The following GPR149 variants were observed in gnomAD, a reference collection of about 807,000 sequenced individuals.
The protein encoded by GPR149 is G protein-coupled receptor 149.
A neutral mutation model predicts 50.2 loss-of-function variants in GPR149; 50 were observed. That is an observed-to-expected ratio of 1.00 (90% confidence interval 0.79 to 1.26). The LOEUF is 1.26. Ranked by LOEUF, GPR149 falls within the 50% of genes most tolerant of loss-of-function variation. GPR149 has a pLI of 0.00. For synonymous variants in GPR149, 405 were observed against 358.2 expected (o/e 1.13, Z -1.48); for missense variants, 983 against 895.4 (o/e 1.10, Z -1.25).
intron 3 of GPR149, chr3:154,353,839 A>G: frequency 1.6e-6 from 1 of 635,838 alleles, no homozygotes; most frequent in South Asian, 1.7e-5. Context: ...ACAAGGTCCT[A>G]ACTTGAATAG....
intron 3 of GPR149, chr3:154,353,097 T>C: frequency 3.4e-6 from 5 of 1,458,926 alleles, no homozygotes; most frequent in Non-Finnish European, 4.8e-6. Context: ...CTGGGCATTC[T>C]GTTTTATGTG....
chr3:154,394,272 T>A (rs918188479), intron 3 of GPR149, among the ~76,000 whole-genome samples: 1 of 151,972 alleles, frequency 6.6e-6, no homozygotes, highest in Admixed American at 6.6e-5. Flanking sequence ...ATTTATATAA[T>A]CAACTAATCT....
intron 3 of GPR149, among the ~76,000 whole-genome samples, chr3:154,374,358 A>C (rs966291234): frequency 7.3e-5 from 11 of 151,470 alleles, no homozygotes; most frequent in Non-Finnish European, 4.4e-5. Context: ...TATTTTTGTA[A>C]AGATGGGGTT....
Position 154,338,238 on chromosome 3 carries a change from C to T in GPR149, c.1657G>A (p.Ala553Thr). The change falls in exon 4 of 4, where the codon GCA (alanine) becomes ACA (threonine). Residue 553 changes from alanine (A) to threonine (T), a missense_variant. Ala to Thr is a moderately conservative substitution (Grantham distance 58, BLOSUM62 0). Transcript: ENST00000389740. Reference protein sequence around the residue: ...SGYALAIPLCAFQGTVSLHAP... With the variant: ...SGYALAIPLCTFQGTVSLHAP... ...TGGAGAGACACAGTCCCCTGGAATG[C>T]ACACAAGGGAATGGCAAGGGCATAA... 1 of 1,595,532 alleles carries T rather than the reference C, an allele frequency of 6.3e-7. No homozygotes were observed.
intron 3 of GPR149, among the ~76,000 whole-genome samples, chr3:154,367,300 T>G (rs1330366427): frequency 1.3e-5 from 2 of 151,644 alleles, no homozygotes; most frequent in Non-Finnish European, 2.9e-5. Context: ...AAAATTTTGT[T>G]GTAAGCTTCC....
intron 3 of GPR149, among the ~76,000 whole-genome samples, chr3:154,405,390 C>G (rs1200536023): frequency 4.6e-5 from 7 of 151,790 alleles, no homozygotes; most frequent in Admixed American, 1.3e-4. Flanking sequence ...AGAGCGAGAC[C>G]ATCCTGGCTA....
At chr3:154,353,744 T>C (rs955188151) in intron 3 of GPR149, 2 of 887,666 alleles carry the variant, frequency 2.3e-6, no homozygotes, top group African/African-American at 3.4e-5. Flanking sequence ...CTTTGGAGTC[T>C]TTCAATCAAG....
intron 3 of GPR149, among the ~76,000 whole-genome samples, chr3:154,403,272 A>C (rs2108419309): frequency 6.6e-6 from 1 of 152,328 alleles, no homozygotes; most frequent in Non-Finnish European, 1.5e-5. Context: ...ATTGAAATTA[A>C]GAAAGAGTAA....
intron 3 of GPR149, among the ~76,000 whole-genome samples, chr3:154,385,844 G>C (rs1715033501): frequency 6.6e-6 from 1 of 151,990 alleles, no homozygotes; most frequent in African/African-American, 2.4e-5. Context: ...TGGGACTACA[G>C]GTGCCTGCCA....
chr3:154,422,101 A>G (rs565314057), intron 2 of GPR149, among the ~76,000 whole-genome samples: 163 of 151,800 alleles, frequency 1.1e-3, no homozygotes, highest in African/African-American at 3.8e-3. Context: ...TGTGAAAAGA[A>G]CTGGTAAAAA....
chr3:154,397,912 G>A (rs1021284475), intron 3 of GPR149, among the ~76,000 whole-genome samples: 5 of 151,128 alleles, frequency 3.3e-5, no homozygotes, highest in African/African-American at 1.2e-4. Flanking sequence ...GTAACTACAG[G>A]TTGGCAATGG....
intron 3 of GPR149, among the ~76,000 whole-genome samples, chr3:154,416,023 A>G (rs1377644514): frequency 6.6e-6 from 1 of 151,928 alleles, no homozygotes; most frequent in East Asian, 1.9e-4. Flanking sequence ...ACTCAGAGAC[A>G]AGTTTAGGCA....
At chr3:154,345,947 G>A (rs1713916385) in intron 3 of GPR149, among the ~76,000 whole-genome samples, 1 of 152,128 alleles carries the variant, frequency 6.6e-6, no homozygotes, top group African/African-American at 2.4e-5. Flanking sequence ...CTGGCATCAG[G>A]ACTCAGGTTT....
In GPR149 at chr3:154,429,112, C is replaced by T; in HGVS notation, c.504G>A (p.Pro168=). Residue 168 remains proline, a synonymous_variant, in exon 1 of 4, where the codon CCG becomes CCA. Transcript: ENST00000389740. ...WAASLLLSAL[P]LCGWGAFVRT... ...GCACGAAGGCGCCCCAGCCGCACAGCGGGAGCGCCGAGAGCAGCAGACTGG... is the reference window on the plus strand; with the variant it reads ...GCACGAAGGCGCCCCAGCCGCACAGTGGGAGCGCCGAGAGCAGCAGACTGG... 1 of 1,613,596 alleles carries T rather than the reference C, an allele frequency of 6.2e-7. No homozygotes were observed. The highest frequency in any genetic ancestry group is 8.5e-7 in the Non-Finnish European group (1 of 1,179,932).
At chr3:154,414,054 T>G (rs1034936026) in intron 3 of GPR149, among the ~76,000 whole-genome samples, 5 of 151,634 alleles carry the variant, frequency 3.3e-5, no homozygotes, top group Admixed American at 3.3e-4. Flanking sequence ...GTGAAGCAAC[T>G]CAGGAATGAA....
At chr3:154,346,584 GTTTTTCTTTTCTTTTC>G (rs1713931247) in intron 3 of GPR149, among the ~76,000 whole-genome samples, 1 of 150,906 alleles carries the variant, frequency 6.6e-6, no homozygotes, top group Admixed American at 6.6e-5. Flanking sequence ...ACAAATTAAG[GTTTTTCTTTTCTTTTC>G]TTTTTCTTTT....
At chr3:154,385,726 G>A (rs948680357) in intron 3 of GPR149, among the ~76,000 whole-genome samples, 13 of 136,644 alleles carry the variant, frequency 9.5e-5, no homozygotes, top group African/African-American at 3.5e-4. Context: ...TTTTTATAAG[G>A]AGTCTTGCTC....
At position 154,429,695 on chromosome 3, in the gene GPR149, G is replaced by C. The variant is rs1355455725; in HGVS notation, c.-80C>G. On this transcript the variant is annotated 5_prime_UTR_variant, in exon 1 of 4. It adds an upstream start codon to the 5' untranslated region. Transcript: ENST00000389740. ...AAGAAAGACCGGCTGCTGCAAATCAGATTTCATTCCTCCTACCAAGTTCCC... is the reference window on the plus strand; with the variant it reads ...AAGAAAGACCGGCTGCTGCAAATCACATTTCATTCCTCCTACCAAGTTCCC... 2 of 1,285,434 alleles carry C rather than the reference G, an allele frequency of 1.6e-6. No individual in the cohort carries two copies. Among genetic ancestry groups the C allele is most frequent in the Non-Finnish European group, 2.2e-6 (2 of 916,058 alleles). 79.6% of individuals were successfully genotyped at this position (1,285,434 alleles called of 1,614,324 possible). A position where few individuals can be genotyped will look rare whatever the true frequency, so the allele number is the denominator to read the frequency against.
At chr3:154,356,463 G>T (rs1464953995) in intron 3 of GPR149, among the ~76,000 whole-genome samples, 1 of 152,130 alleles carries the variant, frequency 6.6e-6, no homozygotes, top group Non-Finnish European at 1.5e-5. Context: ...TTCTTAAGCT[G>T]ATAAGCAACT....
Sources: allele counts gnomAD v4.1 joint callset (sites outside exome capture counted in the v4.1 genomes callset), GRCh38; gene constraint gnomAD v4.1.1; transcripts MANE v1.5; gene names NCBI Gene and HGNC (gene_info 2026-07-23, HGNC 2026-07-21).